MYOM3: variants seen among roughly 807,000 people sequenced by gnomAD.
MYOM3 encodes myomesin 3, also known as myomesin-3.
MYOM3 carries 155 observed loss-of-function variants against 191.7 expected under a neutral mutation model. The observed-to-expected ratio is 0.81, with a 90% confidence interval of 0.71 to 0.92. The LOEUF (loss-of-function observed/expected upper bound fraction) is 0.92, where lower values mean the gene tolerates loss of function less well. MYOM3 is among the 40% of genes least tolerant of loss of function. The pLI, the probability that MYOM3 is intolerant of heterozygous loss-of-function variation, is 0.00. For synonymous variants in MYOM3, 757 were observed against 762.9 expected, an observed-to-expected ratio of 0.99 and a Z score of 0.13; for missense variants, 1,889 against 1,890.6, an observed-to-expected ratio of 1.00 and a Z score of 0.02.
rs56001006 is a variant in MYOM3 at position 24,085,109 on chromosome 1, A to AATGGATGGATGG, written c.1799-482_1799-471dup. Among the ~76,000 whole-genome samples the AATGGATGGATGG allele has an allele frequency of 8.2e-3, 1,209 of 147,988 alleles. 17 individuals carry two copies. The highest frequency in any genetic ancestry group is 0.026 in the Middle Eastern group (7 of 272). On this transcript the variant is annotated intron_variant, in intron 15 of 36. Transcript: ENST00000374434. ...GGATGGATGGATGGTTGGTTGGATG[A>AATGGATGGATGG]ATGGATGGATGGATGGATGGATGGA...
At chr1:24,081,490 G>C (rs1643668125) in intron 18 of MYOM3, 34 bp from the exon 19 acceptor site, 2 of 1,605,774 alleles carry the variant, frequency 1.2e-6, no homozygotes, top group Non-Finnish European at 1.7e-6. Context: ...ATGAGGCTGA[G>C]GCTGGAGGAG....
At chr1:24,076,401 T>C (rs551498068) in intron 20 of MYOM3, 128 bp from the exon 21 acceptor site, 2 of 664,276 alleles carry the variant, frequency 3.0e-6, no homozygotes, top group Non-Finnish European at 5.4e-6. Flanking sequence ...CATCTTTCCA[T>C]GTGACAAAGA....
intron 23 of MYOM3, among the ~76,000 whole-genome samples, chr1:24,072,670 G>C (rs1272594891): frequency 6.6e-6 from 1 of 152,110 alleles, no homozygotes; most frequent in African/African-American, 2.4e-5. Context: ...AAGTAGCTGG[G>C]ATTACAAGAA....
chr1:24,097,064 T>C (rs1643882053), intron 7 of MYOM3, among the ~76,000 whole-genome samples: 1 of 152,212 alleles, frequency 6.6e-6, no homozygotes, highest in Non-Finnish European at 1.5e-5. Context: ...CTCCTGAGTG[T>C]CTACCTGCTT....
At chr1:24,064,510 G>C (rs928876861) in intron 29 of MYOM3, among the ~76,000 whole-genome samples, 2 of 152,160 alleles carry the variant, frequency 1.3e-5, no homozygotes, top group Non-Finnish European at 2.9e-5. Flanking sequence ...GTCTGGGCCT[G>C]GCCCACCTTT....
At position 24,075,436 on chromosome 1, in the gene MYOM3, A is replaced by G. The variant is rs36046300; in HGVS notation, c.2741T>C (p.Phe914Ser). Residue 914 changes from phenylalanine to serine, a missense_variant, in exon 22 of 37, where the codon TTT (phenylalanine) becomes TCT (serine). Physicochemically the swap from Phe to Ser is radical, Grantham distance 155 (BLOSUM62 -2). Transcript: ENST00000374434. ...EIEVGVDEEG[F>S]IYLAFEAPEA... Reference sequence around the variant, plus strand: ...AGGGGCTTCAAAAGCCAAATAGATAAAGCCCTCTTCATCCACACCAACCTC... The same window carrying G: ...AGGGGCTTCAAAAGCCAAATAGATAGAGCCCTCTTCATCCACACCAACCTC... 265 of 1,604,678 alleles carry G rather than the reference A, an allele frequency of 1.7e-4. No individual in the cohort carries two copies. In the African/African-American group the frequency reaches 3.0e-3, roughly 18 times the overall value.
At chr1:24,094,430 G>A (rs1643867809) in intron 9 of MYOM3, among the ~76,000 whole-genome samples, 1 of 152,056 alleles carries the variant, frequency 6.6e-6, no homozygotes. Flanking sequence ...GCCTCCCAGA[G>A]TGCTAGGATT....
intron 33 of MYOM3, 67 bp from the exon 34 acceptor site, chr1:24,061,376 GACC>G: frequency 6.6e-7 from 1 of 1,506,646 alleles, no homozygotes; most frequent in South Asian, 1.2e-5. Context: ...GGGACAGGGT[GACC>G]CTGGGAGCAA....
In MYOM3 at chr1:24,094,990, C is replaced by G. The variant is rs368171468; in HGVS notation, c.791G>C (p.Arg264Thr). The G allele has an allele frequency of 6.2e-6, 10 of 1,612,138 alleles. No homozygotes were observed. The African/African-American group carries it at 1.3e-4, about 22-fold the overall frequency. ...DAGFDSEIFKRSTFGPSVEFT... is the reference protein window; with the variant it reads ...DAGFDSEIFKTSTFGPSVEFT... The stretch of plus-strand genomic sequence containing the variant: ...TTCCACGCTGGGGCCAAACGTCGAT[C>G]CTGGCGTGGGAATGAAATTTGGGGC... Residue 264 changes from arginine (R) to threonine (T), a missense_variant and splice_region_variant, in exon 9 of 37, where the codon AGA becomes ACA. Transcript: ENST00000374434.
Position 24,068,341 on chromosome 1 carries a change from C to G in MYOM3, c.3177G>C (p.Glu1059Asp). 1 of 1,614,152 alleles carries G rather than the reference C, an allele frequency of 6.2e-7. No individual in the cohort carries two copies. The highest frequency in any genetic ancestry group is 8.5e-7 in the Non-Finnish European group (1 of 1,179,978). Residue 1059 changes from glutamate to aspartate, a missense_variant, in exon 26 of 37, where the codon GAG becomes GAC. Coordinates refer to ENST00000374434, the MANE Select transcript of MYOM3 (RefSeq NM_152372.4). ...GGATGATCACTTCCACCAGGCCCTTCTCTCGGTCAAAATTGATTTTGCGGT... is the reference window on the plus strand; with the variant it reads ...GGATGATCACTTCCACCAGGCCCTTGTCTCGGTCAAAATTGATTTTGCGGT... ...SPNRKINFDR[E>D]KGLVEVIIQN...
intron 21 of MYOM3, among the ~76,000 whole-genome samples, chr1:24,075,698 C>A (rs1241349519): frequency 1.3e-5 from 2 of 152,116 alleles, no homozygotes; most frequent in Non-Finnish European, 2.9e-5. Context: ...ATCCTATCAC[C>A]CTGTTTTCTT....
intron 35 of MYOM3, 36 bp from the exon 36 acceptor site, chr1:24,059,015 T>G (rs373704461): frequency 1.3e-6 from 2 of 1,524,444 alleles, no homozygotes; most frequent in African/African-American, 1.4e-5. Flanking sequence ...CGATGAATCC[T>G]TTTCTGCCAG....
At chr1:24,090,772 A>G in intron 12 of MYOM3, 25 bp downstream of exon 12, 1 of 1,611,638 alleles carries the variant, frequency 6.2e-7, no homozygotes, top group Non-Finnish European at 8.5e-7. Context: ...TGTTCTAGAA[A>G]GTCGCTTAGG....
In MYOM3 at chr1:24,106,097, T is replaced by A; in HGVS notation, c.403-20A>T. 6.3e-7 allele frequency: 1 copy of A among 1,586,062 alleles called. No homozygotes were observed. The highest frequency in any genetic ancestry group is 8.6e-7 in the Non-Finnish European group (1 of 1,166,822). ...CTCTGTCTGGAGGCGGGAAGAGGTGTATGACGCTGTGAGCCAGGGACCACC... is the reference window on the plus strand; with the variant it reads ...CTCTGTCTGGAGGCGGGAAGAGGTGAATGACGCTGTGAGCCAGGGACCACC... On this transcript the variant is annotated intron_variant, in intron 4 of 36. Coordinates refer to ENST00000374434, the MANE Select transcript of MYOM3 (RefSeq NM_152372.4).
chr1:24,075,076 A>AAAAAGAAAAG (rs66516438), intron 22 of MYOM3, among the ~76,000 whole-genome samples: 1,951 of 150,514 alleles, frequency 0.013, 41 homozygotes, highest in South Asian at 0.05. Context: ...CCTGTCTCAA[A>AAAAAGAAAAG]AAAAGAAAAG....
chr1:24,105,999 G>A lies in MYOM3; in HGVS notation c.481C>T (p.Arg161Cys), dbSNP rs776180967. 8.7e-6 allele frequency: 14 copies of A among 1,613,814 alleles called. No individual in the cohort carries two copies. The highest frequency in any genetic ancestry group is 5.5e-5 in the South Asian group (5 of 91,080). Residue 161 changes from arginine (R) to cysteine (C), a missense_variant, in exon 5 of 37, where the codon CGC (arginine) becomes TGC (cysteine). Physicochemically the swap from Arg to Cys is radical, Grantham distance 180. Coordinates refer to ENST00000374434, the MANE Select transcript of MYOM3 (RefSeq NM_152372.4). Reference sequence around the variant, plus strand: ...GTGTGCTCCCAGACGGCGTGGGAGCGAAGAGGGATCCAGAACCAGGGCCCG... The same window carrying A: ...GTGTGCTCCCAGACGGCGTGGGAGCAAAGAGGGATCCAGAACCAGGGCCCG... ...GRGPWFWIPL[R>C]SHAVWEHTTV...
rs1157102498 is a variant in MYOM3 at position 24,087,002 on chromosome 1, G to T, written c.1615-175C>A. Among the ~76,000 whole-genome samples the T allele has an allele frequency of 6.6e-6, 1 of 152,096 alleles. No homozygotes were observed. Among genetic ancestry groups the T allele is most frequent in the Non-Finnish European group, 1.5e-5 (1 of 68,012 alleles). ...ATCTGCCTCCTCACCTCTCCACCCGGATTCCTACCGAGACCTCACGTCCAG... is the reference window on the plus strand; with the variant it reads ...ATCTGCCTCCTCACCTCTCCACCCGTATTCCTACCGAGACCTCACGTCCAG... On this transcript the variant is annotated intron_variant, in intron 14 of 36. Transcript: ENST00000374434. This position sits in a 1 kb window ranked among gnomAD's most constrained non-coding sequence, Gnocchi z 4.5.
At position 24,064,164 on chromosome 1, in the gene MYOM3, A is replaced by G; in HGVS notation, c.3535-5T>C. 1 of 1,612,084 alleles carries G rather than the reference A, an allele frequency of 6.2e-7. No individual in the cohort carries two copies. ...TCCCTTGTCCTTTTTGGACAACTGG[A>G]AAGAAGGATGAGCGATGGTGGTGTC... On this transcript the variant is annotated splice_region_variant and splice_polypyrimidine_tract_variant and intron_variant, in intron 29 of 36. Coordinates refer to ENST00000374434, the MANE Select transcript of MYOM3 (RefSeq NM_152372.4).
At chr1:24,084,411 C>T (rs769224646) in intron 16 of MYOM3, 57 bp downstream of exon 16, 1 of 1,573,464 alleles carries the variant, frequency 6.4e-7, no homozygotes, top group South Asian at 1.1e-5. Context: ...ATTACCCAGT[C>T]TCAGGTATGT....
Sources: allele counts gnomAD v4.1 joint callset (sites outside exome capture counted in the v4.1 genomes callset), GRCh38; gene constraint gnomAD v4.1.1; non-coding constraint Gnocchi (gnomAD v3.1); transcripts MANE v1.5; gene names NCBI Gene and HGNC (gene_info 2026-07-23, HGNC 2026-07-21).